C13orf42: variants seen among roughly 807,000 people sequenced by gnomAD.
C13orf42 encodes chromosome 13 open reading frame 42, also known as uncharacterized protein C13orf42.
chr13:51,088,321 C>G (rs1253314800), intron 1 of C13orf42, among the ~76,000 whole-genome samples: 8 of 152,200 alleles, frequency 5.3e-5, no homozygotes, highest in Non-Finnish European at 1.2e-4. Flanking sequence ...CTACTTCTTT[C>G]TTCATCACAG....
intron 1 of C13orf42, among the ~76,000 whole-genome samples, chr13:51,135,806 G>T (rs1347163930): frequency 4.6e-5 from 7 of 151,998 alleles, no homozygotes. Flanking sequence ...TCCTACCCTG[G>T]CCTGGTCAGA....
intron 1 of C13orf42, among the ~76,000 whole-genome samples, chr13:51,159,213 G>T (rs1219732206): frequency 6.6e-6 from 1 of 152,194 alleles, no homozygotes; most frequent in Non-Finnish European, 1.5e-5. Context: ...CAAGTCAACA[G>T]TATGCCAACT....
rs191890770 is a variant in C13orf42 at position 51,083,054 on chromosome 13, T to G, written c.*1097A>C. 31 of 152,358 alleles carry G rather than the reference T, an allele frequency of 2.0e-4. No homozygotes were observed. The highest frequency in any genetic ancestry group is 6.7e-4 in the African/African-American group (28 of 41,574). 9.4% of individuals were successfully genotyped at this position (152,358 alleles called of 1,614,324 possible). On this transcript the variant is annotated 3_prime_UTR_variant, in exon 4 of 4. Transcript: ENST00000563710. ...TAATTCAAATGATTGTGGTTTTCTT[T>G]GTTTTGTTTTGTTTTCTGTTTTTTG...
At chr13:51,140,497 T>G (rs1211073670) in intron 1 of C13orf42, among the ~76,000 whole-genome samples, 1 of 152,164 alleles carries the variant, frequency 6.6e-6, no homozygotes, top group Non-Finnish European at 1.5e-5. Flanking sequence ...GCCCCTGACC[T>G]TTGACAAATC....
chr13:51,094,233 G>A (rs986239288), intron 1 of C13orf42, among the ~76,000 whole-genome samples: 4 of 152,110 alleles, frequency 2.6e-5, no homozygotes, highest in Admixed American at 1.3e-4. Context: ...ATTTTTAGTT[G>A]GAAGTGGCAT....
In C13orf42 at chr13:51,088,079, CA is replaced by C; in HGVS notation, c.415-5del. 2.5e-6 allele frequency: 1 copy of C among 398,748 alleles called. No individual in the cohort carries two copies. Among genetic ancestry groups the C allele is most frequent in the South Asian group, 1.3e-4 (1 of 7,858 alleles). 24.7% of individuals were successfully genotyped at this position (398,748 alleles called of 1,614,324 possible). A position where few individuals can be genotyped will look rare whatever the true frequency, so the allele number is the denominator to read the frequency against. On this transcript the variant is annotated splice_polypyrimidine_tract_variant and splice_region_variant and intron_variant, in intron 1 of 3. Transcript: ENST00000563710. ...AGTATTTCTTTGGGGTTGCTTTCTG[CA>C]AGAGGTGAAGGGGAGAAGAGAGAGT...
At chr13:51,149,143 C>T (rs111821999) in intron 1 of C13orf42, among the ~76,000 whole-genome samples, 20 of 152,140 alleles carry the variant, frequency 1.3e-4, no homozygotes, top group African/African-American at 4.3e-4. Context: ...TCCGTCACTG[C>T]GGTGGCAGCT....
chr13:51,167,130 A>G (rs116803862), intron 1 of C13orf42, among the ~76,000 whole-genome samples: 1,709 of 152,206 alleles, frequency 0.011, 33 homozygotes, highest in African/African-American at 0.039. Flanking sequence ...CCTGATGGCC[A>G]ATATTTGTCA....
At chr13:51,132,788 G>C (rs1375338515) in intron 1 of C13orf42, among the ~76,000 whole-genome samples, 1 of 152,158 alleles carries the variant, frequency 6.6e-6, no homozygotes, top group Non-Finnish European at 1.5e-5. Flanking sequence ...CACGTTCCCA[G>C]GAGGTTAAGG....
At chr13:51,098,799 T>C (rs984102384) in intron 1 of C13orf42, among the ~76,000 whole-genome samples, 5 of 152,208 alleles carry the variant, frequency 3.3e-5, no homozygotes, top group East Asian at 1.9e-4. Context: ...GGCAAATATA[T>C]TGTCTTTATG....
At chr13:51,136,299 C>A (rs1383733312) in intron 1 of C13orf42, among the ~76,000 whole-genome samples, 4 of 152,152 alleles carry the variant, frequency 2.6e-5, no homozygotes, top group South Asian at 4.1e-4. Context: ...CCCAACCCAC[C>A]CCCAAAATAA....
At chr13:51,130,168 A>C (rs1953605659) in intron 1 of C13orf42, among the ~76,000 whole-genome samples, 1 of 152,242 alleles carries the variant, frequency 6.6e-6, no homozygotes, top group Non-Finnish European at 1.5e-5. Flanking sequence ...ATCTTTGGGA[A>C]ATAAAAACAG....
intron 1 of C13orf42, among the ~76,000 whole-genome samples, chr13:51,130,862 A>AT (rs1555267619): frequency 0.02 from 2,977 of 148,192 alleles, 42 homozygotes; most frequent in Non-Finnish European, 0.029. Flanking sequence ...GTAAAAAAAA[A>AT]ATATATATAT....
chr13:51,144,440 T>G (rs758829463), intron 1 of C13orf42, among the ~76,000 whole-genome samples: 6 of 152,236 alleles, frequency 3.9e-5, no homozygotes, highest in Non-Finnish European at 7.3e-5. Context: ...TTCTCCAGAA[T>G]TGGAAACTAC....
At chr13:51,134,125 C>T (rs1429865396) in intron 1 of C13orf42, among the ~76,000 whole-genome samples, 1 of 152,114 alleles carries the variant, frequency 6.6e-6, no homozygotes, top group African/African-American at 2.4e-5. Context: ...AATCTAAGTC[C>T]ATTTACCTGC....
intron 1 of C13orf42, among the ~76,000 whole-genome samples, chr13:51,168,442 G>A (rs1419880979): frequency 2.6e-5 from 4 of 152,210 alleles, no homozygotes; most frequent in African/African-American, 9.7e-5. Context: ...GCGTTGTCAT[G>A]CAGCAAAGTT....
intron 1 of C13orf42, among the ~76,000 whole-genome samples, chr13:51,124,049 C>T (rs59447770): frequency 0.032 from 4,815 of 152,258 alleles, 112 homozygotes; most frequent in African/African-American, 0.065. Flanking sequence ...AAGGTAACAT[C>T]ACTATTGTGA....
At chr13:51,104,003 T>C (rs955452886) in intron 1 of C13orf42, among the ~76,000 whole-genome samples, 2 of 152,220 alleles carry the variant, frequency 1.3e-5, no homozygotes, top group African/African-American at 4.8e-5. Flanking sequence ...CACTGCATTG[T>C]ACGCTTTAAA....
chr13:51,170,264 T>A (rs952721410), intron 1 of C13orf42, among the ~76,000 whole-genome samples: 3 of 152,244 alleles, frequency 2.0e-5, no homozygotes, highest in African/African-American at 7.2e-5. Context: ...TAAACAGCCA[T>A]GTTGCTCACA....
Sources: gnomAD v4.1 joint callset for allele counts (sites outside exome capture counted in the v4.1 genomes callset) on GRCh38, gnomAD v4.1.1 for gene constraint, MANE v1.5 for transcripts, NCBI Gene and HGNC (gene_info 2026-07-23, HGNC 2026-07-21) for gene names.